The following KLF12 variants were observed in gnomAD, a reference collection of about 807,000 sequenced individuals.
The protein encoded by KLF12 is KLF transcription factor 12.
In KLF12, 9 loss-of-function variants were observed where a neutral mutation model predicts 37.8. The observed-to-expected ratio is 0.24, with a 90% CI of 0.14 to 0.42. The LOEUF (loss-of-function observed/expected upper bound fraction) is 0.42, where lower values mean the gene tolerates loss of function less well. Ranked by LOEUF, KLF12 falls within the 10% of genes least tolerant of loss-of-function variation. The probability of loss-of-function intolerance (pLI) is 1.00; values close to 1 mark genes in which losing one functional copy is unlikely to be tolerated. For synonymous variants in KLF12, 208 were observed against 202.1 expected (o/e 1.03, Z -0.25); for missense variants, 411 against 516.0 (o/e 0.80, Z 1.97).
At chr13:74,153,923 G>A in the KLF12 span, among the ~76,000 whole-genome samples, 11 of 152,180 alleles carry the variant, frequency 7.2e-5, no homozygotes, top group South Asian at 6.2e-4. Flanking sequence ...ACCCCCCACC[G>A]AAGCAATAAA....
chr13:73,901,303 C>G (rs1435143280), intron 3 of KLF12, among the ~76,000 whole-genome samples: 1 of 150,760 alleles, frequency 6.6e-6, no homozygotes, highest in Non-Finnish European at 1.5e-5. Context: ...CACATTCAAC[C>G]TTTTTCTACC....
chr13:73,748,814 C>G (rs1264495674), intron 6 of KLF12, among the ~76,000 whole-genome samples: 1 of 152,144 alleles, frequency 6.6e-6, no homozygotes, highest in African/African-American at 2.4e-5. Flanking sequence ...ACGCCAAAAG[C>G]CAACAGCAGG....
chr13:73,999,234 C>T (rs1438163535), intron 1 of KLF12, among the ~76,000 whole-genome samples: 2 of 152,138 alleles, frequency 1.3e-5, no homozygotes, highest in Non-Finnish European at 2.9e-5. Context: ...TAACAGACAT[C>T]ACTTCAATTA....
intron 5 of KLF12, chr13:73,802,258 A>G (rs924157200): frequency 2.6e-5 from 4 of 152,134 alleles, no homozygotes; most frequent in African/African-American, 9.7e-5. Flanking sequence ...TATCAGGATA[A>G]ATTGTCACTT....
At chr13:74,133,075 A>G (rs960537103) in intron 1 of KLF12, among the ~76,000 whole-genome samples, 2 of 152,148 alleles carry the variant, frequency 1.3e-5, no homozygotes, top group Non-Finnish European at 1.5e-5. Context: ...AATAACAGCC[A>G]CCGGCCAGCC....
the KLF12 span, among the ~76,000 whole-genome samples, chr13:74,186,368 T>C: frequency 6.6e-6 from 1 of 152,128 alleles, no homozygotes; most frequent in Non-Finnish European, 1.5e-5. Flanking sequence ...TATGAGGCCG[T>C]GAAGACCTCA....
intron 5 of KLF12, among the ~76,000 whole-genome samples, chr13:73,785,410 C>T (rs1421499483): frequency 1.3e-5 from 2 of 152,066 alleles, no homozygotes; most frequent in Non-Finnish European, 1.5e-5. Context: ...CACAAAGCCT[C>T]GCCCATTTTA....
chr13:73,829,295 G>C (rs1884021395), intron 4 of KLF12, among the ~76,000 whole-genome samples: 2 of 152,172 alleles, frequency 1.3e-5, no homozygotes, highest in African/African-American at 4.8e-5. Flanking sequence ...CTTAATTTTT[G>C]AATCTGGCAG....
At position 73,789,769 on chromosome 13, in the gene KLF12, C is replaced by T. The variant is rs527930429; in HGVS notation, c.806+23383G>A. On this transcript the variant is annotated intron_variant, in intron 5 of 7. Transcript: ENST00000377669. ...TCCGCTCACTGCAAGCTCCGCCTCC[C>T]GGGTTCACGCCATTCTCCTGCCTCA... is the stretch of plus-strand genomic sequence containing the variant. Among the ~76,000 whole-genome samples the T allele has an allele frequency of 5.3e-5, 8 of 152,050 alleles. No homozygotes were observed. The East Asian group carries it at 5.8e-4, about 11-fold the overall frequency.
chr13:73,706,740 C>A (rs1441515269), intron 7 of KLF12, among the ~76,000 whole-genome samples: 1 of 152,160 alleles, frequency 6.6e-6, no homozygotes, highest in Non-Finnish European at 1.5e-5. Context: ...TTTCCTATTA[C>A]GTATTATTTT....
intron 2 of KLF12, among the ~76,000 whole-genome samples, chr13:73,947,405 C>A (rs1331317709): frequency 6.6e-6 from 1 of 152,090 alleles, no homozygotes; most frequent in Non-Finnish European, 1.5e-5. Context: ...AATCACAACA[C>A]TTTGGGAGGC....
At position 73,686,293 on chromosome 13, in the gene KLF12, T is replaced by G. The variant is rs139754202; in HGVS notation, c.*9197A>C. 6.5e-6 allele frequency: 1 copy of G among 152,740 alleles called. No individual in the cohort carries two copies. The highest frequency in any genetic ancestry group is 1.9e-4 in the East Asian group (1 of 5,184). The allele number at this position is 152,740 out of a possible 1,614,324, so 9.5% of individuals were successfully genotyped here. Reference sequence around the variant, plus strand: ...ACTTGTTCATTTAAATCTCTGAGAATAGACTGGAATAATCATCCTCTGAGA... The same window carrying G: ...ACTTGTTCATTTAAATCTCTGAGAAGAGACTGGAATAATCATCCTCTGAGA... On this transcript the variant is annotated 3_prime_UTR_variant, in exon 8 of 8. Coordinates refer to ENST00000377669, the MANE Select transcript of KLF12 (RefSeq NM_007249.5).
chr13:73,987,896 G>GA (rs1891868908), intron 2 of KLF12, among the ~76,000 whole-genome samples: 1 of 152,026 alleles, frequency 6.6e-6, no homozygotes, highest in Non-Finnish European at 1.5e-5. Context: ...GGGAAAGAGT[G>GA]AGAGTGAGAC....
At chr13:74,222,462 A>G in the KLF12 span, among the ~76,000 whole-genome samples, 458 of 152,322 alleles carry the variant, frequency 3.0e-3, 3 homozygotes, top group African/African-American at 0.011. Flanking sequence ...TGATCTAGTC[A>G]TCAGGGCCTA....
intron 2 of KLF12, among the ~76,000 whole-genome samples, chr13:73,969,888 A>T (rs997532597): frequency 6.6e-6 from 1 of 152,178 alleles, no homozygotes; most frequent in Non-Finnish European, 1.5e-5. Context: ...TACCTGTTAG[A>T]TATATACAAA....
intron 1 of KLF12, among the ~76,000 whole-genome samples, chr13:74,108,514 G>A (rs772479680): frequency 3.9e-5 from 6 of 152,032 alleles, no homozygotes; most frequent in Non-Finnish European, 5.9e-5. Context: ...GGGGGTGAGG[G>A]TCATAGGAGT....
At chr13:73,710,524 T>C (rs190166220) in intron 7 of KLF12, among the ~76,000 whole-genome samples, 176 of 121,234 alleles carry the variant, frequency 1.5e-3, no homozygotes, top group Non-Finnish European at 1.2e-3. Flanking sequence ...ACTTGGGTAA[T>C]TGTCACAATA....
chr13:74,030,367 G>A (rs773900231), intron 1 of KLF12, among the ~76,000 whole-genome samples: 1 of 152,218 alleles, frequency 6.6e-6, no homozygotes. Flanking sequence ...AATGTTACAC[G>A]TTATTGCCTC....
chr13:73,782,329 T>C (rs1881019547), intron 5 of KLF12, among the ~76,000 whole-genome samples: 2 of 152,336 alleles, frequency 1.3e-5, no homozygotes, highest in Non-Finnish European at 2.9e-5. Context: ...AGTGCTGACA[T>C]GTGTCCCTGG....
Sources: gnomAD v4.1 joint callset for allele counts (sites outside exome capture counted in the v4.1 genomes callset) on GRCh38, gnomAD v4.1.1 for gene constraint, MANE v1.5 for transcripts, NCBI Gene and HGNC (gene_info 2026-07-23, HGNC 2026-07-21) for gene names.